ITCH: variants seen among roughly 807,000 people sequenced by gnomAD.
ITCH encodes the protein itchy E3 ubiquitin protein ligase.
ITCH carries 28 observed loss-of-function variants against 126.8 expected under a neutral mutation model. That is an observed-to-expected ratio of 0.22 (90% CI 0.16 to 0.30). The LOEUF (loss-of-function observed/expected upper bound fraction) is 0.30. Ranked by LOEUF, ITCH falls within the 10% of genes least tolerant of loss-of-function variation. The pLI, the probability that ITCH is intolerant of heterozygous loss-of-function variation, is 1.00. For synonymous variants in ITCH, 342 were observed against 340.0 expected, an observed-to-expected ratio of 1.01 and a Z score of -0.06; for missense variants, 631 against 1,032.4, an observed-to-expected ratio of 0.61 and a Z score of 5.33.
chr20:34,405,899 C>T (rs373376283), intron 3 of ITCH, among the ~76,000 whole-genome samples: 7 of 152,104 alleles, frequency 4.6e-5, no homozygotes, highest in Middle Eastern at 3.4e-3. Flanking sequence ...GCTGGTATTA[C>T]GTGCCCGGCC....
chr20:34,479,050 A>C (rs1395622706), intron 17 of ITCH, among the ~76,000 whole-genome samples: 1 of 152,220 alleles, frequency 6.6e-6, no homozygotes, highest in Non-Finnish European at 1.5e-5. Context: ...TCATATTTTC[A>C]CAATATTTGA....
intron 2 of ITCH, among the ~76,000 whole-genome samples, chr20:34,372,527 C>T (rs2037679432): frequency 6.6e-6 from 1 of 150,612 alleles, no homozygotes; most frequent in Non-Finnish European, 1.5e-5. Context: ...ATTACAGGCA[C>T]CCGCCACCAT....
intron 23 of ITCH, 84 bp from the exon 24 acceptor site, chr20:34,504,247 A>ATGATGC: frequency 9.9e-7 from 1 of 1,009,040 alleles, no homozygotes; most frequent in Non-Finnish European, 1.6e-6. Context: ...AAGTTCCCTC[A>ATGATGC]TGATGCTGAT....
Position 34,393,790 on chromosome 20 carries a change from G to A in ITCH, c.-21-1G>A. ...TACAGTGTCTCCTTTGCCATGTTCA[G>A]GTTTTCCAACCTATTGGTGGTATGT... On this transcript the variant is annotated splice_acceptor_variant, in intron 2 of 24. Coordinates refer to ENST00000374864, the MANE Select transcript of ITCH (RefSeq NM_031483.7). LOFTEE classifies it low-confidence loss of function (5UTR_SPLICE). The A allele has an allele frequency of 6.3e-7, 1 of 1,592,832 alleles. No homozygotes were observed. The highest frequency in any genetic ancestry group is 8.6e-7 in the Non-Finnish European group (1 of 1,160,638).
chr20:34,369,899 T>A (rs1467487991), intron 2 of ITCH, among the ~76,000 whole-genome samples: 2 of 150,774 alleles, frequency 1.3e-5, no homozygotes, highest in Admixed American at 1.3e-4. Flanking sequence ...AACCCAAGAG[T>A]TTGGGACCAG....
At chr20:34,483,463 T>C (rs546955818) in intron 20 of ITCH, among the ~76,000 whole-genome samples, 3 of 152,144 alleles carry the variant, frequency 2.0e-5, no homozygotes, top group Non-Finnish European at 4.4e-5. Context: ...AGTACAATCG[T>C]CTCTCTCAAG....
chr20:34,442,847 G>A (rs1484891693), intron 10 of ITCH, among the ~76,000 whole-genome samples: 2 of 151,304 alleles, frequency 1.3e-5, no homozygotes, highest in African/African-American at 4.8e-5. Context: ...ATGGTGGCGG[G>A]CACCTATAGT....
chr20:34,423,720 C>T (rs1981113282), intron 6 of ITCH, among the ~76,000 whole-genome samples: 5 of 152,126 alleles, frequency 3.3e-5, no homozygotes, highest in Admixed American at 3.3e-4. Context: ...TCTCCTGCCT[C>T]AGCCTCCCAA....
chr20:34,498,386 A>G (rs903148461), intron 23 of ITCH, among the ~76,000 whole-genome samples: 3 of 152,150 alleles, frequency 2.0e-5, no homozygotes, highest in Non-Finnish European at 2.9e-5. Flanking sequence ...ATGTGGTGAA[A>G]GTGGGCACCC....
At chr20:34,454,207 G>A (rs1322445690) in intron 12 of ITCH, among the ~76,000 whole-genome samples, 2 of 148,380 alleles carry the variant, frequency 1.3e-5, no homozygotes, top group Admixed American at 6.7e-5. Context: ...GCGCGATCTC[G>A]GCTCACTGCA....
chr20:34,481,421 A>C (rs1988739637), intron 20 of ITCH, among the ~76,000 whole-genome samples: 1 of 152,210 alleles, frequency 6.6e-6, no homozygotes, highest in African/African-American at 2.4e-5. Context: ...TCACTCTTTT[A>C]AACATCAACT....
At chr20:34,500,314 T>C (rs547743013) in intron 23 of ITCH, among the ~76,000 whole-genome samples, 34 of 152,334 alleles carry the variant, frequency 2.2e-4, no homozygotes, top group African/African-American at 8.2e-4. Flanking sequence ...TGTCTTTCCC[T>C]TTTAATATAA....
chr20:34,467,678 ATTTTT>A (rs147009659), intron 14 of ITCH, among the ~76,000 whole-genome samples: 3 of 98,052 alleles, frequency 3.1e-5, no homozygotes, highest in Non-Finnish European at 6.0e-5. Flanking sequence ...TTTCTTTTTC[ATTTTT>A]TTTTTTTTTT....
intron 10 of ITCH, 144 bp downstream of exon 10, chr20:34,442,447 A>C (rs1983872179): frequency 1.5e-6 from 1 of 670,822 alleles, no homozygotes; most frequent in Non-Finnish European, 2.6e-6. Context: ...ACAAATTAAA[A>C]AGAAGAGAGC....
chr20:34,456,178 G>GTATATA (rs1985909676), intron 12 of ITCH, among the ~76,000 whole-genome samples: 1 of 34,512 alleles, frequency 2.9e-5, no homozygotes, highest in Admixed American at 2.7e-4. Context: ...GTGTGTGTGT[G>GTATATA]TGTGTGTATA....
In ITCH at chr20:34,367,839, C is replaced by A. The variant is rs563173988; in HGVS notation, c.-98-1555C>A. Among the ~76,000 whole-genome samples, 3 of 152,266 alleles carry A rather than the reference C, an allele frequency of 2.0e-5. No individual in the cohort carries two copies. The East Asian group carries it at 5.8e-4, about 29-fold the overall frequency. ...TCTGGTTTACAAAGATCAATGTGCA[C>A]TACTGAAGAGCTTCTGGTATTAGAC... On this transcript the variant is annotated intron_variant, in intron 1 of 24. Transcript: ENST00000374864.
At position 34,445,275 on chromosome 20, in the gene ITCH, T is replaced by C. The variant is rs1984307431; in HGVS notation, c.966-12T>C. ...GAATTAGCTTGTTTTTTTTTTTTTT[T>C]TTCTGATTTAGCTGGGAACGGCGGG... On this transcript the variant is annotated splice_polypyrimidine_tract_variant and intron_variant, in intron 10 of 24. Transcript: ENST00000374864. The C allele has an allele frequency of 6.2e-7, 1 of 1,600,296 alleles. No individual in the cohort carries two copies. The highest frequency in any genetic ancestry group is 8.5e-7 in the Non-Finnish European group (1 of 1,176,384).
intron 23 of ITCH, among the ~76,000 whole-genome samples, chr20:34,496,246 T>C (rs886274211): frequency 6.6e-6 from 1 of 152,230 alleles, no homozygotes; most frequent in Non-Finnish European, 1.5e-5. Context: ...TAGTTATGTT[T>C]AACATTGTTA....
chr20:34,480,071 G>C (rs1180755508), intron 18 of ITCH, among the ~76,000 whole-genome samples: 1 of 151,848 alleles, frequency 6.6e-6, no homozygotes, highest in Non-Finnish European at 1.5e-5. Context: ...GCTAATTTTT[G>C]TATTTTTAGT....
Sources: gnomAD v4.1 joint callset for allele counts (sites outside exome capture counted in the v4.1 genomes callset) on GRCh38, gnomAD v4.1.1 for gene constraint, MANE v1.5 for transcripts, NCBI Gene and HGNC (gene_info 2026-07-23, HGNC 2026-07-21) for gene names.